PLOD2: variants seen among roughly 807,000 people sequenced by gnomAD.
PLOD2 encodes lysine hydroxylase 2.
PLOD2 carries 65 observed loss-of-function variants against 101.0 expected under a neutral mutation model. That is an observed-to-expected ratio of 0.64 (90% CI 0.53 to 0.79). The LOEUF (loss-of-function observed/expected upper bound fraction) is 0.79, where lower values mean the gene tolerates loss of function less well. Ranked by LOEUF, PLOD2 falls within the 30% of genes least tolerant of loss-of-function variation. The pLI, the probability that PLOD2 is intolerant of heterozygous loss-of-function variation, is 0.00. For missense variants in PLOD2, 909 were observed against 914.6 expected (o/e 0.99, Z 0.08); for synonymous variants, 314 against 302.9 (o/e 1.04, Z -0.38).
intron 8 of PLOD2, among the ~76,000 whole-genome samples, chr3:146,091,361 A>G (rs536597125): frequency 6.6e-6 from 1 of 152,046 alleles, no homozygotes; most frequent in African/African-American, 2.4e-5. Context: ...TGAAGTTTAA[A>G]TGAGTTATTA....
intron 1 of PLOD2, among the ~76,000 whole-genome samples, chr3:146,125,228 T>C (rs935720552): frequency 3.3e-5 from 5 of 152,124 alleles, no homozygotes; most frequent in Admixed American, 2.0e-4. Flanking sequence ...GAGTATCCCC[T>C]AAGCAACAAT....
At chr3:146,097,127 G>A (rs1405615606) in intron 7 of PLOD2, among the ~76,000 whole-genome samples, 1 of 135,578 alleles carries the variant, frequency 7.4e-6, no homozygotes, top group Non-Finnish European at 1.6e-5. Context: ...GGAGGGAGGT[G>A]GGGGGGTCAG....
intron 17 of PLOD2, 117 bp from the exon 18 acceptor site, chr3:146,071,540 A>G: frequency 1.0e-6 from 1 of 959,592 alleles, no homozygotes; most frequent in South Asian, 1.4e-5. Context: ...AGTTGTTCCA[A>G]TGTGGTATAT....
chr3:146,161,066 C>A lies in PLOD2; in HGVS notation c.-77G>T. On this transcript the variant is annotated 5_prime_UTR_variant, in exon 1 of 20. Coordinates refer to ENST00000282903, the MANE Select transcript of PLOD2 (RefSeq NM_182943.3). Reference sequence around the variant, plus strand: ...CGCGCTTCTCGCGAGAACGCAGAGACCCGGGTCCGCCCTGAGCCGCCGATT... The same window carrying A: ...CGCGCTTCTCGCGAGAACGCAGAGAACCGGGTCCGCCCTGAGCCGCCGATT... The A allele has an allele frequency of 9.4e-7, 1 of 1,061,116 alleles. No homozygotes were observed. The highest frequency in any genetic ancestry group is 1.4e-5 in the South Asian group (1 of 71,908). The allele number at this position is 1,061,116 out of a possible 1,614,324, so 65.7% of individuals were successfully genotyped here. A position where few individuals can be genotyped will look rare whatever the true frequency, so the allele number is the denominator to read the frequency against.
intron 1 of PLOD2, among the ~76,000 whole-genome samples, chr3:146,132,108 C>T (rs564596785): frequency 4.6e-5 from 7 of 152,250 alleles, no homozygotes; most frequent in African/African-American, 1.4e-4. Flanking sequence ...CTTCCACAGC[C>T]CACTCTGGAC....
intron 1 of PLOD2, among the ~76,000 whole-genome samples, chr3:146,151,979 G>A (rs1426483767): frequency 6.6e-6 from 1 of 152,166 alleles, no homozygotes; most frequent in Non-Finnish European, 1.5e-5. Flanking sequence ...TAAAAAAGTT[G>A]TATTATGAGG....
intron 1 of PLOD2, among the ~76,000 whole-genome samples, chr3:146,153,264 T>C (rs2032149645): frequency 6.6e-6 from 1 of 152,218 alleles, no homozygotes; most frequent in African/African-American, 2.4e-5. Flanking sequence ...TGGTTCCTTT[T>C]TTCAAAAAGA....
At chr3:146,137,844 A>G (rs914993846) in intron 1 of PLOD2, among the ~76,000 whole-genome samples, 3 of 152,126 alleles carry the variant, frequency 2.0e-5, no homozygotes, top group Non-Finnish European at 4.4e-5. Context: ...AAAAATTGGT[A>G]TTTCTGATTC....
rs1411356048 is a variant in PLOD2, at chr3:146,138,523, C to T, written c.110-14294G>A. ...TGCAGATATTTGAGGGACATCTTTCCAGTAAAAGGAAACAACAAATACAGA... is the reference window on the plus strand; with the variant it reads ...TGCAGATATTTGAGGGACATCTTTCTAGTAAAAGGAAACAACAAATACAGA... On this transcript the variant is annotated intron_variant, in intron 1 of 19. Transcript: ENST00000282903. 2.0e-5 allele frequency among the ~76,000 whole-genome samples: 3 copies of T among 151,924 alleles called. No individual in the cohort carries two copies. The East Asian group carries it at 5.8e-4, about 29-fold the overall frequency.
At chr3:146,120,794 G>A (rs189203883) in intron 3 of PLOD2, among the ~76,000 whole-genome samples, 14 of 151,834 alleles carry the variant, frequency 9.2e-5, no homozygotes, top group African/African-American at 2.7e-4. Context: ...GCGCAATCTC[G>A]GCTCACTGCA....
intron 1 of PLOD2, among the ~76,000 whole-genome samples, chr3:146,134,894 C>G (rs1286861033): frequency 6.6e-6 from 1 of 152,068 alleles, no homozygotes; most frequent in Non-Finnish European, 1.5e-5. Flanking sequence ...AAATAAACAG[C>G]CTTTATGTAC....
chr3:146,072,450 A>G (rs932792746), intron 17 of PLOD2, 111 bp downstream of exon 17: 4 of 761,410 alleles, frequency 5.3e-6, no homozygotes, highest in East Asian at 2.7e-5. Flanking sequence ...AATTTATCTA[A>G]GTCTAGAACT....
In PLOD2 at chr3:146,160,946, A is replaced by G. The variant is rs1247069747; in HGVS notation, c.44T>C (p.Leu15Pro). 6.2e-7 allele frequency: 1 copy of G among 1,600,418 alleles called. No homozygotes were observed. Among genetic ancestry groups the G allele is most frequent in the East Asian group, 2.3e-5 (1 of 44,374 alleles). ...TVKPQLLLLA[L>P]VLHPWNPCLG... ...ACAGGGATTCCAGGGGTGGAGGACG[A>G]GCGCCAGGAGCAGCAGCTGAGGCTT... The change falls in exon 1 of 20, where the codon CTC (leucine) becomes CCC (proline). Residue 15 changes from leucine to proline, a missense_variant. Coordinates refer to ENST00000282903, the MANE Select transcript of PLOD2 (RefSeq NM_182943.3).
intron 3 of PLOD2, among the ~76,000 whole-genome samples, chr3:146,116,498 T>G (rs951515999): frequency 6.6e-5 from 10 of 152,266 alleles, no homozygotes; most frequent in Admixed American, 3.9e-4. Context: ...GTTGTGCTGT[T>G]GGAAAGAAAA....
chr3:146,117,179 A>G (rs1334518219), intron 3 of PLOD2, among the ~76,000 whole-genome samples: 4 of 152,184 alleles, frequency 2.6e-5, no homozygotes, highest in Non-Finnish European at 4.4e-5. Flanking sequence ...TAAACCACTA[A>G]GTATATACAT....
intron 1 of PLOD2, among the ~76,000 whole-genome samples, chr3:146,155,102 T>C (rs2032235916): frequency 6.6e-6 from 1 of 152,196 alleles, no homozygotes; most frequent in Non-Finnish European, 1.5e-5. Flanking sequence ...AATTCTGTAC[T>C]GCTGCACCAT....
In PLOD2 at chr3:146,121,177, T is replaced by C. The variant is rs1466505011; in HGVS notation, c.273A>G (p.Arg91=). Residue 91 remains arginine, a synonymous_variant, in exon 3 of 20, where the codon AGA becomes AGG. Coordinates refer to ENST00000282903, the MANE Select transcript of PLOD2 (RefSeq NM_182943.3). ...INSIGGGQKV[R]LMKEVMEHYA... ...AGTGTTCCATGACTTCTTTCATTAA[T>C]CTCACTTTCTGGCCCCCTCCAATAC... is the stretch of plus-strand genomic sequence containing the variant. 1 of 1,607,572 alleles carries C rather than the reference T, an allele frequency of 6.2e-7. No homozygotes were observed. Among genetic ancestry groups the C allele is most frequent in the South Asian group, 1.1e-5 (1 of 90,956 alleles).
intron 1 of PLOD2, among the ~76,000 whole-genome samples, chr3:146,126,158 T>G (rs2030545279): frequency 6.6e-6 from 1 of 152,166 alleles, no homozygotes; most frequent in Admixed American, 6.6e-5. Context: ...AGTCTGACCA[T>G]GTCCAGCAAT....
chr3:146,141,484 AC>A (rs1188544955), intron 1 of PLOD2, among the ~76,000 whole-genome samples: 2 of 151,894 alleles, frequency 1.3e-5, no homozygotes, highest in African/African-American at 4.8e-5. Context: ...TACAGATTTA[AC>A]CCCTGACTCC....
Sources: allele counts gnomAD v4.1 joint callset (sites outside exome capture counted in the v4.1 genomes callset), GRCh38; gene constraint gnomAD v4.1.1; transcripts MANE v1.5; gene names NCBI Gene and HGNC (gene_info 2026-07-23, HGNC 2026-07-21).